Variants in IDO2 observed in about 807,000 individuals in gnomAD.
The protein encoded by IDO2 is indoleamine 2,3-dioxygenase-like 1 protein.
IDO2 carries 46 observed loss-of-function variants against 45.1 expected under a neutral mutation model. The ratio of observed to expected loss-of-function variants is 1.02; its 90% confidence interval spans 0.80 to 1.30. The LOEUF is 1.30. Ranked by LOEUF, IDO2 falls within the 50% of genes most tolerant of loss-of-function variation. IDO2 has a pLI of 0.00. For missense variants in IDO2, 544 were observed against 491.8 expected (o/e 1.11, Z -1.00); for synonymous variants, 218 against 184.9 (o/e 1.18, Z -1.45).
At chr8:40,007,076 T>C (rs1802235612) in intron 9 of IDO2, among the ~76,000 whole-genome samples, 1 of 152,012 alleles carries the variant, frequency 6.6e-6, no homozygotes, top group South Asian at 2.1e-4. Context: ...TTCTGCTATG[T>C]TTTTGTTTAA....
chr8:39,957,042 CAAAAAAAAA>C (rs56064306), intron 2 of IDO2, among the ~76,000 whole-genome samples: 3 of 31,342 alleles, frequency 9.6e-5, no homozygotes, highest in Non-Finnish European at 1.2e-4. Context: ...GACTCCATCT[CAAAAAAAAA>C]AAAAAAAAAA....
chr8:40,002,884 A>T (rs574535101), intron 8 of IDO2, among the ~76,000 whole-genome samples: 3 of 152,320 alleles, frequency 2.0e-5, no homozygotes, highest in African/African-American at 7.2e-5. Context: ...GATTTTGATT[A>T]TCTATTCAAT....
chr8:39,981,162 C>T (rs1476666532), intron 4 of IDO2, among the ~76,000 whole-genome samples: 3 of 151,758 alleles, frequency 2.0e-5, no homozygotes, highest in South Asian at 2.1e-4. Context: ...CCCAGGTTCA[C>T]GCCAGTCTCC....
intron 1 of IDO2, among the ~76,000 whole-genome samples, chr8:39,947,131 A>C (rs187153097): frequency 2.5e-4 from 37 of 149,522 alleles, no homozygotes; most frequent in Admixed American, 6.7e-4. Flanking sequence ...ACTCAAGCCT[A>C]ACCAACAGGG....
intron 3 of IDO2, among the ~76,000 whole-genome samples, chr8:39,974,278 G>T (rs2129594211): frequency 6.6e-6 from 1 of 152,288 alleles, no homozygotes; most frequent in East Asian, 1.9e-4. Context: ...ATATGACAGG[G>T]TGAAATGTTG....
intron 7 of IDO2, among the ~76,000 whole-genome samples, chr8:39,989,134 C>G (rs918774324): frequency 2.6e-5 from 4 of 152,128 alleles, no homozygotes; most frequent in Admixed American, 1.3e-4. Flanking sequence ...GAAGGGGAAG[C>G]AAGAACCTCT....
At chr8:40,015,167 A>T (rs200416295) in intron 10 of IDO2, 80 bp from the exon 11 acceptor site, 2 of 829,362 alleles carry the variant, frequency 2.4e-6, no homozygotes, top group East Asian at 2.6e-5. Flanking sequence ...GAAAAAAAAA[A>T]TAAAAAAGAA....
Position 39,934,940 on chromosome 8 carries a change from T to C in IDO2, c.-296T>C, listed in dbSNP as rs1807523356. 1.3e-5 allele frequency: 8 copies of C among 614,710 alleles called. No homozygotes were observed. In the South Asian group the frequency reaches 1.6e-4, roughly 12 times the overall value. The allele number at this position is 614,710 out of a possible 1,614,324, so 38.1% of individuals were successfully genotyped here. A position where few individuals can be genotyped will look rare whatever the true frequency, so the allele number is the denominator to read the frequency against. On this transcript the variant is annotated 5_prime_UTR_variant, in exon 1 of 11. Coordinates refer to ENST00000502986, the Ensembl canonical transcript of IDO2. ...TCTGCAAAGTTGAGTCCATACACACTGGTTTGGAAATTTCAGTCCAGATGA... is the reference window on the plus strand; with the variant it reads ...TCTGCAAAGTTGAGTCCATACACACCGGTTTGGAAATTTCAGTCCAGATGA...
At chr8:40,011,260 A>T (rs1802306818) in intron 9 of IDO2, among the ~76,000 whole-genome samples, 1 of 152,150 alleles carries the variant, frequency 6.6e-6, no homozygotes. Context: ...ACCATTTGGG[A>T]ATTGAGAGCA....
At chr8:40,012,572 G>A (rs912743257) in intron 9 of IDO2, among the ~76,000 whole-genome samples, 4 of 152,184 alleles carry the variant, frequency 2.6e-5, no homozygotes, top group Admixed American at 6.6e-5. Context: ...AATGTGACAT[G>A]AACTTGTTTT....
intron 4 of IDO2, among the ~76,000 whole-genome samples, chr8:39,982,300 A>AT (rs1808365796): frequency 6.7e-6 from 1 of 149,380 alleles, no homozygotes; most frequent in Non-Finnish European, 1.5e-5. Context: ...ATCTATCAAA[A>AT]TTTTTTTCCG....
chr8:39,969,980 C>T (rs1808155661), intron 3 of IDO2, among the ~76,000 whole-genome samples: 1 of 151,978 alleles, frequency 6.6e-6, no homozygotes, highest in Non-Finnish European at 1.5e-5. Flanking sequence ...GCCAAACAGC[C>T]AAGCTGGGAG....
In IDO2 at chr8:39,957,913, T is replaced by G. The variant is rs555733248; in HGVS notation, c.100-5695T>G. On this transcript the variant is annotated intron_variant, in intron 2 of 10. Coordinates refer to ENST00000502986, the Ensembl canonical transcript of IDO2. Reference sequence around the variant, plus strand: ...CTGGTTTATTTTATTTTTATTTTTATTTATGTATTTGAGATGGAGTCTAGC... The same window carrying G: ...CTGGTTTATTTTATTTTTATTTTTAGTTATGTATTTGAGATGGAGTCTAGC... Among the ~76,000 whole-genome samples, 30 of 152,342 alleles carry G rather than the reference T, an allele frequency of 2.0e-4. No homozygotes were observed. In the East Asian group the frequency reaches 5.8e-3, roughly 29 times the overall value.
chr8:39,939,664 G>C (rs1158008628), intron 1 of IDO2, among the ~76,000 whole-genome samples: 1 of 144,328 alleles, frequency 6.9e-6, no homozygotes, highest in Non-Finnish European at 1.5e-5. Flanking sequence ...AAGAAGGATA[G>C]ATGTCATGGA....
At chr8:39,961,474 C>T (rs1011710948) in intron 2 of IDO2, among the ~76,000 whole-genome samples, 2 of 151,898 alleles carry the variant, frequency 1.3e-5, no homozygotes, top group African/African-American at 4.8e-5. Context: ...AGGCATGTGC[C>T]AACACGCCTG....
At chr8:39,985,320 A>T in intron 5 of IDO2, 188 bp from the exon 6 acceptor site, 1 of 610,488 alleles carries the variant, frequency 1.6e-6, no homozygotes. Flanking sequence ...AGCACCCCAT[A>T]GTCCAGCCAC....
At chr8:39,956,956 T>C (rs752945206) in intron 2 of IDO2, among the ~76,000 whole-genome samples, 12 of 148,170 alleles carry the variant, frequency 8.1e-5, no homozygotes, top group South Asian at 2.1e-4. Context: ...GTCAGGAGAA[T>C]TGCTTGAACC....
At chr8:40,003,929 C>T (rs900870665) in intron 8 of IDO2, among the ~76,000 whole-genome samples, 2 of 152,062 alleles carry the variant, frequency 1.3e-5, no homozygotes, top group African/African-American at 2.4e-5. Flanking sequence ...AAGTTTTCTG[C>T]ATGTTTGTTT....
intron 3 of IDO2, among the ~76,000 whole-genome samples, chr8:39,969,295 T>C (rs1808145368): frequency 6.6e-6 from 1 of 152,188 alleles, no homozygotes; most frequent in Non-Finnish European, 1.5e-5. Flanking sequence ...AACTTTTTCT[T>C]TACTATTACA....
Sources: gnomAD v4.1 joint callset for allele counts (sites outside exome capture counted in the v4.1 genomes callset) on GRCh38, gnomAD v4.1.1 for gene constraint, MANE v1.5 for transcripts, NCBI Gene and HGNC (gene_info 2026-07-23, HGNC 2026-07-21) for gene names.